SEC24D: variants seen among roughly 807,000 people sequenced by gnomAD.
SEC24D encodes the protein SEC24 homolog D, COPII component.
A neutral mutation model predicts 116.9 loss-of-function variants in SEC24D; 69 were observed. The ratio of observed to expected loss-of-function variants is 0.59; its 90% CI spans 0.49 to 0.72. The LOEUF (loss-of-function observed/expected upper bound fraction) is 0.72. SEC24D is among the 30% of genes least tolerant of loss of function. The probability of loss-of-function intolerance (pLI) is 0.00; values close to 1 mark genes in which losing one functional copy is unlikely to be tolerated. For missense variants in SEC24D, 1,131 were observed against 1,264.1 expected (o/e 0.89, Z 1.60); for synonymous variants, 405 against 442.8 (o/e 0.91, Z 1.07).
Position 118,805,884 on chromosome 4 carries a change from A to G in SEC24D, c.872T>C (p.Ile291Thr), listed in dbSNP as rs1340022595. ...GCAATCTGTAGTGACCAGGGGAGGG[A>G]TCTGGCCTCTGGTGTTGGTGGCATA... Reference protein sequence around the residue: ...QVYATNTRGQIPPLVTTDCMI... With the variant: ...QVYATNTRGQTPPLVTTDCMI... Residue 291 changes from isoleucine to threonine, a missense_variant, in exon 7 of 23, where the codon ATC becomes ACC. Ile to Thr is a moderately conservative substitution (Grantham distance 89). Transcript: ENST00000280551. 1.9e-6 allele frequency: 3 copies of G among 1,595,510 alleles called. No individual in the cohort carries two copies. The African/African-American group carries it at 4.1e-5, about 22-fold the overall frequency.
intron 15 of SEC24D, among the ~76,000 whole-genome samples, chr4:118,742,159 C>G (rs950823565): frequency 1.3e-5 from 2 of 151,838 alleles, no homozygotes; most frequent in Non-Finnish European, 2.9e-5. Context: ...TGGCAAGTAA[C>G]TCAAAAACTT....
chr4:118,813,465 C>T (rs962327099), intron 6 of SEC24D, among the ~76,000 whole-genome samples: 10 of 152,250 alleles, frequency 6.6e-5, no homozygotes, highest in African/African-American at 2.4e-4. Context: ...CTGGTGGAGA[C>T]TCTGCAGAAT....
At chr4:118,769,147 G>C (rs1255011101) in intron 8 of SEC24D, among the ~76,000 whole-genome samples, 2 of 152,150 alleles carry the variant, frequency 1.3e-5, no homozygotes, top group Non-Finnish European at 2.9e-5. Context: ...ATTTAGGCAA[G>C]GCGGTCGATT....
intron 8 of SEC24D, among the ~76,000 whole-genome samples, chr4:118,797,466 T>A (rs1282044757): frequency 1.3e-5 from 2 of 152,258 alleles, no homozygotes; most frequent in African/African-American, 4.8e-5. Context: ...CGCCAAAAAG[T>A]GACGCAGTCC....
In SEC24D at chr4:118,741,179, G is replaced by A. The variant is rs1397354335; in HGVS notation, c.1996-142C>T. The A allele has an allele frequency of 1.1e-4, 52 of 464,324 alleles. No homozygotes were observed. In the Admixed American group the frequency reaches 2.0e-3, roughly 18 times the overall value. The allele number at this position is 464,324 out of a possible 1,614,324, so 28.8% of individuals were successfully genotyped here. ...TTTTTATTATATATTATGCTTCTTT[G>A]GTTAAAGAAAATATAGCATTTTTGG... is the stretch of plus-strand genomic sequence containing the variant. On this transcript the variant is annotated intron_variant, in intron 15 of 22. Transcript: ENST00000280551.
At chr4:118,823,298 T>C (rs1432875178) in intron 3 of SEC24D, among the ~76,000 whole-genome samples, 1 of 152,194 alleles carries the variant, frequency 6.6e-6, no homozygotes, top group Non-Finnish European at 1.5e-5. Flanking sequence ...AAATGTCATG[T>C]TATCATGACA....
In SEC24D at chr4:118,752,118, G is replaced by C. The variant is rs559986891; in HGVS notation, c.1614-29C>G. On this transcript the variant is annotated intron_variant, in intron 12 of 22. Coordinates refer to ENST00000280551, the MANE Select transcript of SEC24D (RefSeq NM_014822.4). Reference sequence around the variant, plus strand: ...TAAGACATGAGTAAGCAAAAGGTTTGAAATGTTTAGCATATTTTAATAAAC... The same window carrying C: ...TAAGACATGAGTAAGCAAAAGGTTTCAAATGTTTAGCATATTTTAATAAAC... 1,427 of 1,358,248 alleles carry C rather than the reference G, an allele frequency of 1.1e-3. 29 individuals are homozygous for C. The South Asian group carries it at 0.016, about 15-fold the overall frequency. The allele number at this position is 1,358,248 out of a possible 1,614,324, so 84.1% of individuals were successfully genotyped here.
rs564263678 is a variant in SEC24D at position 118,737,655 on chromosome 4, G to A, written c.2496+606C>T. ...GACATAGAGAAGAATGTGAACAAGA[G>A]AGCAAATGCAAAATAAATGTGGACT... On this transcript the variant is annotated intron_variant, in intron 19 of 22. Coordinates refer to ENST00000280551, the MANE Select transcript of SEC24D (RefSeq NM_014822.4). Among the ~76,000 whole-genome samples, 6 of 152,234 alleles carry A rather than the reference G, an allele frequency of 3.9e-5. No individual in the cohort carries two copies. The East Asian group carries it at 1.2e-3, about 29-fold the overall frequency.
chr4:118,725,708 A>C (rs1457141065), intron 22 of SEC24D, among the ~76,000 whole-genome samples: 1 of 152,134 alleles, frequency 6.6e-6, no homozygotes, highest in Non-Finnish European at 1.5e-5. Flanking sequence ...AGAACAGGGA[A>C]TGAATGTCAG....
chr4:118,742,576 T>C (rs3775836), intron 15 of SEC24D, among the ~76,000 whole-genome samples: 42,429 of 151,978 alleles, frequency 0.28, 7,191 homozygotes, highest in East Asian at 0.45. Context: ...TTAGAAAGAG[T>C]TGTTAAAGCT....
chr4:118,742,859 G>A (rs1245812276), intron 15 of SEC24D, among the ~76,000 whole-genome samples: 2 of 152,178 alleles, frequency 1.3e-5, no homozygotes, highest in South Asian at 2.1e-4. Flanking sequence ...GGAACTGGGT[G>A]GGCACAGCCC....
chr4:118,785,482 G>A (rs34730066), intron 8 of SEC24D, among the ~76,000 whole-genome samples: 39,859 of 152,032 alleles, frequency 0.26, 6,405 homozygotes, highest in East Asian at 0.45. Flanking sequence ...AGCTACAGGG[G>A]AGAATGGGGC....
chr4:118,725,591 T>A (rs1725366923), intron 22 of SEC24D, among the ~76,000 whole-genome samples: 1 of 152,152 alleles, frequency 6.6e-6, no homozygotes, highest in African/African-American at 2.4e-5. Context: ...ATCTGAGGTA[T>A]TTTCTATTGC....
intron 4 of SEC24D, chr4:118,816,716 C>G (rs1444942400): frequency 2.4e-6 from 1 of 423,406 alleles, no homozygotes; most frequent in African/African-American, 2.1e-5. Context: ...ACTGTGCTGT[C>G]ATTACAGTGG....
At chr4:118,833,475 T>C (rs1316346409) in intron 2 of SEC24D, 104 bp downstream of exon 2, 10 of 756,714 alleles carry the variant, frequency 1.3e-5, no homozygotes, top group Non-Finnish European at 1.1e-5. Flanking sequence ...CATTTCATTA[T>C]ATAATGATCA....
intron 3 of SEC24D, among the ~76,000 whole-genome samples, chr4:118,817,671 G>T (rs926939126): frequency 6.6e-6 from 1 of 152,012 alleles, no homozygotes; most frequent in Non-Finnish European, 1.5e-5. Context: ...ACCAGTTCTG[G>T]AAATCAATTT....
chr4:118,730,895 C>T (rs191475464), intron 21 of SEC24D: 1 of 235,362 alleles, frequency 4.2e-6, no homozygotes, highest in Non-Finnish European at 8.5e-6. Flanking sequence ...GAGTCCAGAG[C>T]ATAAGAACTG....
intron 5 of SEC24D, 51 bp from the exon 6 acceptor site, chr4:118,815,206 G>A (rs887897523): frequency 4.4e-6 from 7 of 1,604,410 alleles, no homozygotes; most frequent in Non-Finnish European, 6.0e-6. Flanking sequence ...AATCCAGCAT[G>A]TAAGACTTGT....
At chr4:118,734,115 T>C (rs1219213516) in intron 19 of SEC24D, among the ~76,000 whole-genome samples, 1 of 150,458 alleles carries the variant, frequency 6.6e-6, no homozygotes, top group Non-Finnish European at 1.5e-5. Flanking sequence ...AACAAGGACA[T>C]ATCCAAAAGA....
Sources: allele counts gnomAD v4.1 joint callset (sites outside exome capture counted in the v4.1 genomes callset), GRCh38; gene constraint gnomAD v4.1.1; transcripts MANE v1.5; gene names NCBI Gene and HGNC (gene_info 2026-07-23, HGNC 2026-07-21).